Variants in RAI14 observed in about 807,000 individuals in gnomAD.
RAI14 encodes the protein retinoic acid induced 14, also known as ankycorbin.
In RAI14, 45 loss-of-function variants were observed where a neutral mutation model predicts 115.4. The ratio of observed to expected loss-of-function variants is 0.39; its 90% CI spans 0.31 to 0.50. The LOEUF (loss-of-function observed/expected upper bound fraction) is 0.50. RAI14 is among the 20% of genes least tolerant of loss of function. The pLI, the probability that RAI14 is intolerant of heterozygous loss-of-function variation, is 0.85. For missense variants in RAI14, 939 were observed against 1,131.2 expected (o/e 0.83, Z 2.44); for synonymous variants, 371 against 415.4 (o/e 0.89, Z 1.30).
intron 2 of RAI14, among the ~76,000 whole-genome samples, chr5:34,737,344 G>C (rs577249401): frequency 6.6e-6 from 1 of 152,154 alleles, no homozygotes; most frequent in Non-Finnish European, 1.5e-5. Flanking sequence ...TAGTATTAGC[G>C]TAAAATTTTG....
At chr5:34,711,400 A>G (rs1215608355) in intron 2 of RAI14, among the ~76,000 whole-genome samples, 1 of 152,218 alleles carries the variant, frequency 6.6e-6, no homozygotes, top group Non-Finnish European at 1.5e-5. Flanking sequence ...AACATTCTTA[A>G]GGGTGGCAGA....
At chr5:34,821,581 G>T in intron 13 of RAI14, 151 bp from the exon 14 acceptor site, 1 of 560,402 alleles carries the variant, frequency 1.8e-6, no homozygotes, top group Non-Finnish European at 3.2e-6. Context: ...TATATAAAAT[G>T]AAAATTTTAG....
intron 3 of RAI14, among the ~76,000 whole-genome samples, chr5:34,759,569 G>T (rs1246550731): frequency 6.6e-6 from 1 of 152,094 alleles, no homozygotes; most frequent in African/African-American, 2.4e-5. Flanking sequence ...AGAATCTAAT[G>T]CCTGATGATC....
rs747505476 is a variant in RAI14, at chr5:34,756,687, C to T, written c.37-781C>T. On this transcript the variant is annotated intron_variant, in intron 2 of 17. Coordinates refer to ENST00000265109, the MANE Select transcript of RAI14 (RefSeq NM_015577.3). ...CAAACCTTCAGTGGCTCACTGCTGC[C>T]TTTCATGTCTTTCTTAGTCTTATAT... Among the ~76,000 whole-genome samples, 26 of 152,340 alleles carry T rather than the reference C, an allele frequency of 1.7e-4. No homozygotes were observed. The Middle Eastern group carries it at 0.017, about 100-fold the overall frequency.
intron 1 of RAI14, among the ~76,000 whole-genome samples, chr5:34,683,112 G>T (rs1359706247): frequency 6.6e-6 from 1 of 152,180 alleles, no homozygotes; most frequent in African/African-American, 2.4e-5. Context: ...ATTACTTTCC[G>T]CCAGCCATGG....
chr5:34,772,579 G>A (rs1345780002), intron 3 of RAI14, among the ~76,000 whole-genome samples: 1 of 152,126 alleles, frequency 6.6e-6, no homozygotes, highest in Admixed American at 6.5e-5. Context: ...TATTGATGTT[G>A]TTGTTATTCA....
chr5:34,757,415 T>G, intron 2 of RAI14, 53 bp from the exon 3 acceptor site: 1 of 1,599,062 alleles, frequency 6.3e-7, no homozygotes, highest in Non-Finnish European at 8.5e-7. Flanking sequence ...TGCTGGTCAG[T>G]GCGGCTGTGG....
chr5:34,702,570 C>A (rs1740208374), intron 2 of RAI14, among the ~76,000 whole-genome samples: 1 of 152,190 alleles, frequency 6.6e-6, no homozygotes, highest in Non-Finnish European at 1.5e-5. Context: ...GGCTCTGTTA[C>A]CTTAATCAAG....
At chr5:34,661,195 T>C (rs1742665373) in intron 1 of RAI14, among the ~76,000 whole-genome samples, 1 of 152,216 alleles carries the variant, frequency 6.6e-6, no homozygotes. Flanking sequence ...GTCTTTCCTT[T>C]GGTGTCGTGT....
chr5:34,830,336 C>CG (rs2150319130), intron 17 of RAI14, among the ~76,000 whole-genome samples: 2 of 152,252 alleles, frequency 1.3e-5, no homozygotes, highest in South Asian at 4.1e-4. Flanking sequence ...ACTGGGAAGA[C>CG]GGGGGCTTTA....
chr5:34,703,784 G>C (rs1327268898), intron 2 of RAI14, among the ~76,000 whole-genome samples: 1 of 152,162 alleles, frequency 6.6e-6, no homozygotes, highest in Non-Finnish European at 1.5e-5. Context: ...CTGCATTTCG[G>C]GGGCATCCAG....
At chr5:34,705,733 C>T (rs1454667233) in intron 2 of RAI14, among the ~76,000 whole-genome samples, 13 of 152,220 alleles carry the variant, frequency 8.5e-5, no homozygotes, top group African/African-American at 2.6e-4. Context: ...CTGCAACCTC[C>T]GCCTCCTGGG....
intron 2 of RAI14, among the ~76,000 whole-genome samples, chr5:34,740,636 G>A (rs1383620386): frequency 2.0e-5 from 3 of 152,132 alleles, no homozygotes; most frequent in African/African-American, 7.2e-5. Context: ...TGTCTTCTGG[G>A]GGCTGGGGAG....
chr5:34,799,922 C>A (rs886802730), intron 4 of RAI14, among the ~76,000 whole-genome samples: 5 of 152,044 alleles, frequency 3.3e-5, no homozygotes, highest in Non-Finnish European at 5.9e-5. Context: ...CTCCTGACCT[C>A]GTGATCCGCC....
chr5:34,752,749 G>GTATA lies in RAI14; in HGVS notation c.37-4705_37-4702dup, dbSNP rs71600954. 4.8e-3 allele frequency among the ~76,000 whole-genome samples: 511 copies of GTATA among 107,042 alleles called. 15 individuals carry two copies. The highest frequency in any genetic ancestry group is 8.4e-3 in the East Asian group (29 of 3,452). 70.2% of individuals were successfully genotyped at this position (107,042 alleles called of 152,430 possible). A position where few individuals can be genotyped will look rare whatever the true frequency, so the allele number is the denominator to read the frequency against. Reference sequence around the variant, plus strand: ...TGTGTGTGTGTGTGTGTGTGTGTGTGTATATATATATATATATGTATCTTT... The same window carrying GTATA: ...TGTGTGTGTGTGTGTGTGTGTGTGTGTATATATATATATATATATATGTATCTTT... On this transcript the variant is annotated intron_variant, in intron 2 of 17. Coordinates refer to ENST00000265109, the MANE Select transcript of RAI14 (RefSeq NM_015577.3).
chr5:34,756,873 C>T (rs771582929), intron 2 of RAI14, among the ~76,000 whole-genome samples: 4 of 152,182 alleles, frequency 2.6e-5, no homozygotes, highest in Admixed American at 1.3e-4. Context: ...AGCTCTTTGA[C>T]GTTTAAGAGC....
intron 2 of RAI14, among the ~76,000 whole-genome samples, chr5:34,721,320 T>TAG (rs1262775366): frequency 2.1e-5 from 3 of 140,914 alleles, no homozygotes; most frequent in East Asian, 4.3e-4. Flanking sequence ...TATATATATA[T>TAG]ATATAGATGT....
intron 2 of RAI14, among the ~76,000 whole-genome samples, chr5:34,696,453 G>T (rs1350246112): frequency 2.6e-5 from 4 of 152,144 alleles, no homozygotes; most frequent in Non-Finnish European, 4.4e-5. Context: ...ACTTTTTAAA[G>T]GATGTGAAAC....
At chr5:34,711,745 T>C (rs1741430296) in intron 2 of RAI14, among the ~76,000 whole-genome samples, 1 of 152,238 alleles carries the variant, frequency 6.6e-6, no homozygotes, top group African/African-American at 2.4e-5. Context: ...GACGTGATCT[T>C]GGACTTCCCA....
Sources: gnomAD v4.1 joint callset for allele counts (sites outside exome capture counted in the v4.1 genomes callset) on GRCh38, gnomAD v4.1.1 for gene constraint, MANE v1.5 for transcripts, NCBI Gene and HGNC (gene_info 2026-07-23, HGNC 2026-07-21) for gene names.